Variants in TXLNB observed in about 807,000 individuals in gnomAD.
TXLNB encodes beta-taxilin.
In TXLNB, 37 loss-of-function variants were observed where a neutral mutation model predicts 57.4. That is an observed-to-expected ratio of 0.64 (90% confidence interval 0.50 to 0.85). The LOEUF is 0.85. Ranked by LOEUF, TXLNB falls within the 40% of genes least tolerant of loss-of-function variation. TXLNB has a pLI of 0.00. For synonymous variants in TXLNB, 302 were observed against 309.6 expected (o/e 0.98, Z 0.26); for missense variants, 848 against 825.6 (o/e 1.03, Z -0.33).
At chr6:139,227,357 C>CAAACA in the TXLNB span, among the ~76,000 whole-genome samples, 2 of 131,674 alleles carry the variant, frequency 1.5e-5, no homozygotes, top group African/African-American at 5.4e-5. Flanking sequence ...ACAAAACAAA[C>CAAACA]AAAAAAAAAA....
the TXLNB span, among the ~76,000 whole-genome samples, chr6:139,165,217 G>A: frequency 6.6e-6 from 1 of 152,212 alleles, no homozygotes; most frequent in Non-Finnish European, 1.5e-5. Context: ...ATGGAACCAG[G>A]ACTTATACAT....
chr6:139,255,666 A>C (rs771518957), intron 6 of TXLNB, 28 bp from the exon 7 acceptor site: 64 of 1,594,454 alleles, frequency 4.0e-5, no homozygotes, highest in Non-Finnish European at 5.4e-5. Flanking sequence ...GTGTGGAAAG[A>C]TGGTCAGATT....
the TXLNB span, among the ~76,000 whole-genome samples, chr6:139,204,547 A>G: frequency 1.3e-5 from 2 of 152,136 alleles, no homozygotes; most frequent in Admixed American, 1.3e-4. Flanking sequence ...GAATTTTGTG[A>G]CAGGATTTTG....
chr6:139,279,246 C>T (rs140169308), intron 2 of TXLNB, among the ~76,000 whole-genome samples: 181 of 152,146 alleles, frequency 1.2e-3, no homozygotes, highest in African/African-American at 4.2e-3. Context: ...TATCTTCTCC[C>T]CTTTGGTTTT....
chr6:139,309,502 C>T, the TXLNB span, among the ~76,000 whole-genome samples: 13 of 152,280 alleles, frequency 8.5e-5, no homozygotes, highest in African/African-American at 2.9e-4. Flanking sequence ...TTTGTTCTCA[C>T]TAACATAAGC....
At chr6:139,184,863 A>G in the TXLNB span, among the ~76,000 whole-genome samples, 4 of 152,232 alleles carry the variant, frequency 2.6e-5, no homozygotes, top group Non-Finnish European at 5.9e-5. Flanking sequence ...TAGTCTTGGA[A>G]AAAGTGCTGG....
At chr6:139,252,538 G>A (rs1321561728) in intron 7 of TXLNB, among the ~76,000 whole-genome samples, 1 of 152,210 alleles carries the variant, frequency 6.6e-6, no homozygotes, top group Non-Finnish European at 1.5e-5. Context: ...TAGTGAGGCT[G>A]CCTGCACTGT....
At chr6:139,297,234 T>A in the TXLNB span, among the ~76,000 whole-genome samples, 1 of 152,218 alleles carries the variant, frequency 6.6e-6, no homozygotes, top group African/African-American at 2.4e-5. Flanking sequence ...TTCTTCTTCT[T>A]TACTGGTGAA....
At chr6:139,262,050 CCCA>C (rs1412444388) in intron 5 of TXLNB, among the ~76,000 whole-genome samples, 1 of 151,422 alleles carries the variant, frequency 6.6e-6, no homozygotes, top group Non-Finnish European at 1.5e-5. Flanking sequence ...ATTACAGGCG[CCCA>C]CCACCACGCC....
chr6:139,215,351 A>G, the TXLNB span, among the ~76,000 whole-genome samples: 1 of 152,208 alleles, frequency 6.6e-6, no homozygotes, highest in East Asian at 1.9e-4. Flanking sequence ...TCTTTGACAA[A>G]CCTCACAAAA....
At chr6:139,222,780 C>T in the TXLNB span, among the ~76,000 whole-genome samples, 1 of 152,176 alleles carries the variant, frequency 6.6e-6, no homozygotes, top group East Asian at 1.9e-4. Context: ...GCACTCCAGC[C>T]TGGGTGACAA....
Position 139,283,721 on chromosome 6 carries a change from A to G in TXLNB, c.424+4755T>C, listed in dbSNP as rs1777109372. On this transcript the variant is annotated intron_variant, in intron 2 of 9. Transcript: ENST00000358430. ...ATTCTGGCAGTAAAGAAACTGTTTA[A>G]CTTTGTGAAATCTCAAGCATCCCAA... Among the ~76,000 whole-genome samples, 2 of 146,028 alleles carry G rather than the reference A, an allele frequency of 1.4e-5. 1 individual carries two copies.
At chr6:139,211,854 C>T in the TXLNB span, among the ~76,000 whole-genome samples, 99 of 152,102 alleles carry the variant, frequency 6.5e-4, no homozygotes, top group East Asian at 0.015. Flanking sequence ...GTAACCGATG[C>T]GATCAACTGG....
chr6:139,196,213 T>C, the TXLNB span, among the ~76,000 whole-genome samples: 1 of 152,056 alleles, frequency 6.6e-6, no homozygotes, highest in African/African-American at 2.4e-5. Context: ...TAAAACATAT[T>C]TGAAGCAAAA....
rs115918578 is a variant in TXLNB, at chr6:139,253,457, G to A, written c.1077+2107C>T. On this transcript the variant is annotated intron_variant, in intron 7 of 9. Transcript: ENST00000358430. ...GTCATAGGCCTCTCAGGGGTTGCAC[G>A]ACTCCAGGCTGGGGTCATTGATTCA... Among the ~76,000 whole-genome samples the A allele has an allele frequency of 6.3e-3, 961 of 152,236 alleles. 5 individuals carry two copies. Among genetic ancestry groups the A allele is most frequent in the African/African-American group, 0.02 (825 of 41,522 alleles).
chr6:139,267,905 C>G (rs1244810235), intron 4 of TXLNB, among the ~76,000 whole-genome samples: 1 of 152,162 alleles, frequency 6.6e-6, no homozygotes, highest in African/African-American at 2.4e-5. Flanking sequence ...GTAATCCCAA[C>G]ACTTTGGGAG....
At chr6:139,193,914 T>G in the TXLNB span, among the ~76,000 whole-genome samples, 1 of 146,494 alleles carries the variant, frequency 6.8e-6, no homozygotes, top group Non-Finnish European at 1.5e-5. Context: ...CGATCTCGGC[T>G]CACTGCAAGC....
the TXLNB span, among the ~76,000 whole-genome samples, chr6:139,195,632 A>C: frequency 6.6e-6 from 1 of 152,252 alleles, no homozygotes; most frequent in African/African-American, 2.4e-5. Flanking sequence ...ATTGAAAAAT[A>C]ATTCTATCAC....
At chr6:139,254,464 T>A (rs192841333) in intron 7 of TXLNB, among the ~76,000 whole-genome samples, 55 of 152,250 alleles carry the variant, frequency 3.6e-4, no homozygotes, top group African/African-American at 1.3e-3. Flanking sequence ...GACCTCACAG[T>A]CCCTTTAGCA....
Sources: allele counts gnomAD v4.1 joint callset (sites outside exome capture counted in the v4.1 genomes callset), GRCh38; gene constraint gnomAD v4.1.1; transcripts MANE v1.5; gene names NCBI Gene and HGNC (gene_info 2026-07-23, HGNC 2026-07-21).